RIPOR2: variants seen among roughly 807,000 people sequenced by gnomAD.
RIPOR2 encodes the protein RHO family interacting cell polarization regulator 2, also known as rho family-interacting cell polarization regulator 2.
In RIPOR2, 39 loss-of-function variants were observed where a neutral mutation model predicts 114.5. That is an observed-to-expected ratio of 0.34 (90% confidence interval 0.26 to 0.44). The LOEUF (loss-of-function observed/expected upper bound fraction) is 0.44, where lower values mean the gene tolerates loss of function less well. RIPOR2 is among the 20% of genes least tolerant of loss of function. The probability of loss-of-function intolerance (pLI) is 1.00; values close to 1 mark genes in which losing one functional copy is unlikely to be tolerated. For missense variants in RIPOR2, 1,007 were observed against 1,255.1 expected (o/e 0.80, Z 2.99); for synonymous variants, 445 against 484.4 (o/e 0.92, Z 1.07).
chr6:24,990,412 C>T (rs180802126), intron 1 of RIPOR2, among the ~76,000 whole-genome samples: 1 of 152,328 alleles, frequency 6.6e-6, no homozygotes, highest in Non-Finnish European at 1.5e-5. Context: ...ACAATTAGAG[C>T]TGATGACAAA....
At chr6:25,041,977 T>C (rs552855880) in exon 1 of RIPOR2, 1 of 667,530 alleles carries the variant, frequency 1.5e-6, no homozygotes, top group African/African-American at 1.8e-5. Flanking sequence ...AACAAAAGGG[T>C]CTTGCAGCTA....
chr6:24,993,919 G>A (rs1774939025), intron 1 of RIPOR2, among the ~76,000 whole-genome samples: 1 of 151,990 alleles, frequency 6.6e-6, no homozygotes, highest in Admixed American at 6.6e-5. Flanking sequence ...ATTTTGATTT[G>A]GTATCATTTT....
chr6:24,983,193 T>TACACACACACAC lies in RIPOR2; in HGVS notation c.76+58646_76+58657dup, dbSNP rs5875016. On this transcript the variant is annotated intron_variant, in intron 1 of 13. Coordinates refer to the RIPOR2 transcript ENST00000510784. ...GGTTTTTTCCTTTAGGTTGAACACG[T>TACACACACACAC]ACACACACACACACACACACACACA... Among the ~76,000 whole-genome samples the TACACACACACAC allele has an allele frequency of 4.7e-3, 696 of 147,314 alleles. 3 individuals are homozygous for TACACACACACAC. The highest frequency in any genetic ancestry group is 0.016 in the African/African-American group (641 of 39,568).
rs997009136 is a variant in RIPOR2 at position 24,806,348 on chromosome 6, C to G, written c.*25G>C. The G allele has an allele frequency of 2.7e-6, 4 of 1,455,352 alleles. No individual in the cohort carries two copies. The African/African-American group carries it at 5.6e-5, about 20-fold the overall frequency. 90.2% of individuals were successfully genotyped at this position (1,455,352 alleles called of 1,614,324 possible). ...TGATGAAAAGGGCCAGATATTAAGA[C>G]AGCTGTTAGGCAGTTAACCTGTAAT... On this transcript the variant is annotated 3_prime_UTR_variant, in exon 22 of 22. Transcript: ENST00000643898.
intron 5 of RIPOR2, 140 bp downstream of exon 5, chr6:24,870,726 C>A (rs1765078184): frequency 3.4e-6 from 2 of 583,734 alleles, no homozygotes; most frequent in Non-Finnish European, 6.0e-6. Flanking sequence ...ATTGCCCAGG[C>A]AGGTCTCAAA....
intron 1 of RIPOR2, among the ~76,000 whole-genome samples, chr6:24,911,872 G>A (rs1581782464): frequency 6.6e-6 from 1 of 152,270 alleles, no homozygotes; most frequent in East Asian, 1.9e-4. Context: ...TTTAGAATAT[G>A]TTAACTAGAA....
At chr6:24,881,027 A>G (rs951455680) in intron 1 of RIPOR2, among the ~76,000 whole-genome samples, 10 of 152,222 alleles carry the variant, frequency 6.6e-5, no homozygotes, top group African/African-American at 2.4e-4. Context: ...GTGGATCACG[A>G]GGTCAGGAGT....
chr6:25,006,988 GGCTCTGGGAGGGTCTCTT>G (rs988172755), intron 1 of RIPOR2, among the ~76,000 whole-genome samples: 11 of 152,226 alleles, frequency 7.2e-5, no homozygotes, highest in Non-Finnish European at 1.2e-4. Flanking sequence ...CCCAGTGCCA[GGCTCTGGGAGGGTCTCTT>G]GCTCAACCAA....
In RIPOR2 at chr6:24,842,879, A is replaced by C; in HGVS notation, c.1840T>G (p.Leu614Val). The change falls in exon 13 of 22, where the codon TTG becomes GTG. Residue 614 changes from leucine to valine, a missense_variant. Leu to Val is a conservative substitution (Grantham distance 32, BLOSUM62 1). Coordinates refer to ENST00000643898, the MANE Select transcript of RIPOR2 (RefSeq NM_001286445.3). Reference sequence around the variant, plus strand: ...GTACTTACTTTTAGAATATCATCCAAATTCATGACTTCTTGGTTCAGATCC... The same window carrying C: ...GTACTTACTTTTAGAATATCATCCACATTCATGACTTCTTGGTTCAGATCC... ...FQDLNQEVMN[L>V]DDILKCKPAV... 8.3e-6 allele frequency: 12 copies of C among 1,445,174 alleles called. No homozygotes were observed. Among genetic ancestry groups the C allele is most frequent in the Non-Finnish European group, 1.0e-5 (11 of 1,093,984 alleles). The allele number at this position is 1,445,174 out of a possible 1,614,324, so 89.5% of individuals were successfully genotyped here.
intron 1 of RIPOR2, among the ~76,000 whole-genome samples, chr6:24,890,618 A>G (rs1391576501): frequency 6.6e-6 from 1 of 152,060 alleles, no homozygotes; most frequent in African/African-American, 2.4e-5. Flanking sequence ...TGCATGTAAC[A>G]AAATTACACT....
At chr6:24,824,034 G>A (rs1759932882) in intron 19 of RIPOR2, among the ~76,000 whole-genome samples, 2 of 152,206 alleles carry the variant, frequency 1.3e-5, no homozygotes, top group African/African-American at 4.8e-5. Flanking sequence ...TGGGATTACA[G>A]GTGTGAGCCA....
In RIPOR2 at chr6:24,960,833, A is replaced by G. The variant is rs568235440; in HGVS notation, c.76+81018T>C. On this transcript the variant is annotated intron_variant, in intron 1 of 13. Transcript: ENST00000510784. The stretch of plus-strand genomic sequence containing the variant: ...GCATGAGCCACTGTGCCTGGCCTCA[A>G]CACGAATTTTGGAGAGGACACAAAC... Among the ~76,000 whole-genome samples, 21 of 152,160 alleles carry G rather than the reference A, an allele frequency of 1.4e-4. No individual in the cohort carries two copies. The South Asian group carries it at 4.4e-3, about 32-fold the overall frequency.
intron 1 of RIPOR2, among the ~76,000 whole-genome samples, chr6:24,970,875 G>A (rs958060868): frequency 4.4e-5 from 6 of 136,772 alleles, no homozygotes; most frequent in Non-Finnish European, 6.4e-5. Flanking sequence ...ACTAGCAAGC[G>A]GCTATGAGAC....
At chr6:24,866,131 AG>A (rs1193634126) in intron 6 of RIPOR2, among the ~76,000 whole-genome samples, 6 of 152,234 alleles carry the variant, frequency 3.9e-5, no homozygotes, top group African/African-American at 1.4e-4. Flanking sequence ...TCTTAAAATT[AG>A]GGTAAAACAC....
In RIPOR2 at chr6:24,806,319, A is replaced by G. The variant is rs1780768346; in HGVS notation, c.*54T>C. ...AATTTCCAGCCCAAACCACAGCACC[A>G]TCCTGATGAAAAGGGCCAGATATTA... is the stretch of plus-strand genomic sequence containing the variant. On this transcript the variant is annotated 3_prime_UTR_variant, in exon 22 of 22. Transcript: ENST00000643898. 1 of 1,236,608 alleles carries G rather than the reference A, an allele frequency of 8.1e-7. No homozygotes were observed. Among genetic ancestry groups the G allele is most frequent in the African/African-American group, 1.5e-5 (1 of 66,870 alleles). 76.6% of individuals were successfully genotyped at this position (1,236,608 alleles called of 1,614,324 possible).
chr6:25,031,549 A>G (rs1320836959), intron 1 of RIPOR2, among the ~76,000 whole-genome samples: 1 of 147,534 alleles, frequency 6.8e-6, no homozygotes, highest in East Asian at 2.0e-4. Flanking sequence ...ATGAACAAAG[A>G]TTGACTGATA....
In RIPOR2 at chr6:24,858,540, T is replaced by C. The variant is rs557682860; in HGVS notation, c.715+2433A>G. Among the ~76,000 whole-genome samples the C allele has an allele frequency of 6.6e-6, 1 of 152,272 alleles. No individual in the cohort carries two copies. The highest frequency in any genetic ancestry group is 2.1e-4 in the South Asian group (1 of 4,824). Reference sequence around the variant, plus strand: ...AGCATGAGGTTTCCCTTTCTCTTTATGGAGGAAGAGAAAGATTTCCATGGG... The same window carrying C: ...AGCATGAGGTTTCCCTTTCTCTTTACGGAGGAAGAGAAAGATTTCCATGGG... On this transcript the variant is annotated intron_variant, in intron 8 of 21. Coordinates refer to ENST00000643898, the MANE Select transcript of RIPOR2 (RefSeq NM_001286445.3). The surrounding 1 kb of genome is among the most constrained non-coding windows in gnomAD (Gnocchi z 4.0).
At chr6:24,916,933 C>T (rs985915923) in intron 1 of RIPOR2, among the ~76,000 whole-genome samples, 3 of 151,424 alleles carry the variant, frequency 2.0e-5, no homozygotes, top group Non-Finnish European at 4.4e-5. Flanking sequence ...CACCAAGTGA[C>T]CTGTAAGGCT....
At chr6:24,932,893 C>A (rs1771510988) in intron 1 of RIPOR2, among the ~76,000 whole-genome samples, 1 of 152,178 alleles carries the variant, frequency 6.6e-6, no homozygotes, top group South Asian at 2.1e-4. Context: ...CTAGAACAAG[C>A]ATGAACTTTT....
Sources: gnomAD v4.1 joint callset for allele counts (sites outside exome capture counted in the v4.1 genomes callset) on GRCh38, gnomAD v4.1.1 for gene constraint, Gnocchi (gnomAD v3.1) non-coding constraint, MANE v1.5 for transcripts, NCBI Gene and HGNC (gene_info 2026-07-23, HGNC 2026-07-21) for gene names.